The following ACTR3C variants were observed in gnomAD, a reference collection of about 807,000 sequenced individuals.
ACTR3C encodes the protein actin related protein 3C.
Under a neutral mutation model 26.3 loss-of-function variants are expected in ACTR3C, and 18 were observed. The ratio of observed to expected loss-of-function variants is 0.68; its 90% CI spans 0.47 to 1.01. The LOEUF is 1.01. ACTR3C is among the 50% of genes least tolerant of loss of function. The pLI is 0.00. For missense variants in ACTR3C, 184 were observed against 250.7 expected, an observed-to-expected ratio of 0.73 and a Z score of 1.80; for synonymous variants, 55 against 94.5, an observed-to-expected ratio of 0.58 and a Z score of 2.42.
intron 1 of ACTR3C, among the ~76,000 whole-genome samples, chr7:150,298,429 C>T (rs1192661663): frequency 2.0e-5 from 3 of 150,190 alleles, no homozygotes; most frequent in African/African-American, 4.9e-5. Flanking sequence ...CATACCAGTC[C>T]GATTAAGAGA....
chr7:149,976,560 C>T, the ACTR3C span, among the ~76,000 whole-genome samples: 47 of 124,722 alleles, frequency 3.8e-4, no homozygotes, highest in Non-Finnish European at 5.6e-4. Flanking sequence ...GGCGACAGAG[C>T]GAGACTCTGT....
chr7:150,035,147 A>C, the ACTR3C span, among the ~76,000 whole-genome samples: 5 of 126,634 alleles, frequency 3.9e-5, 1 homozygote, highest in African/African-American at 1.2e-4. Flanking sequence ...AGGATCAACG[A>C]TGGGGGTCCT....
intron 2 of ACTR3C, 104 bp downstream of exon 2, chr7:150,295,148 G>C (rs1469914355): frequency 1.5e-6 from 2 of 1,354,686 alleles, no homozygotes; most frequent in Non-Finnish European, 2.0e-6. Context: ...GAAAAAGGAA[G>C]GGCACACAGC....
At chr7:149,968,168 T>C in the ACTR3C span, among the ~76,000 whole-genome samples, 1 of 152,388 alleles carries the variant, frequency 6.6e-6, no homozygotes, top group Middle Eastern at 3.4e-3. Flanking sequence ...TAAGATTGCC[T>C]TTGGAGCAGT....
chr7:150,132,930 T>A, the ACTR3C span, among the ~76,000 whole-genome samples: 1 of 152,146 alleles, frequency 6.6e-6, no homozygotes, highest in Non-Finnish European at 1.5e-5. Context: ...AAAAAAAGAA[T>A]GAAACCATAC....
At chr7:149,938,655 G>A in the ACTR3C span, among the ~76,000 whole-genome samples, 1 of 152,006 alleles carries the variant, frequency 6.6e-6, no homozygotes, top group Non-Finnish European at 1.5e-5. Flanking sequence ...TGGGGGTTGG[G>A]TAGTTATTGA....
the ACTR3C span, among the ~76,000 whole-genome samples, chr7:150,107,017 AC>A: frequency 4.8e-5 from 7 of 144,840 alleles, 1 homozygote; most frequent in East Asian, 1.4e-3. Flanking sequence ...CAGAACTCAC[AC>A]CCATTATGAT....
chr7:149,988,094 G>A, the ACTR3C span, among the ~76,000 whole-genome samples: 7 of 152,188 alleles, frequency 4.6e-5, no homozygotes, highest in South Asian at 2.1e-4. Flanking sequence ...AACTTAGAAC[G>A]TGTCTGCCCC....
Position 150,286,521 on chromosome 7 carries a change from C to A in ACTR3C, c.317G>T (p.Cys106Phe). The A allele has an allele frequency of 6.2e-7, 1 of 1,611,210 alleles. No individual in the cohort carries two copies. Among genetic ancestry groups the A allele is most frequent in the Non-Finnish European group, 8.5e-7 (1 of 1,179,728 alleles). Residue 106 changes from cysteine (C) to phenylalanine (F), a missense_variant, in exon 5 of 8, where the codon TGC becomes TTC. Transcript: ENST00000683684. ...KAIKEKYCYI[C>F]PDIVKEFAKY... is the part of the protein sequence containing the mutation. ...GGCAAATTCCTTGACTATATCGGGGCAAATGTAACAGTATTTCTCCTGCAT... is the reference window on the plus strand; with the variant it reads ...GGCAAATTCCTTGACTATATCGGGGAAAATGTAACAGTATTTCTCCTGCAT...
chr7:149,950,604 C>T, the ACTR3C span, among the ~76,000 whole-genome samples: 5 of 150,146 alleles, frequency 3.3e-5, no homozygotes, highest in Admixed American at 1.3e-4. Context: ...GGCAATCCCA[C>T]AGAGACACAA....
chr7:150,235,859 A>G, the ACTR3C span, among the ~76,000 whole-genome samples: 3 of 152,142 alleles, frequency 2.0e-5, no homozygotes, highest in Non-Finnish European at 2.9e-5. Flanking sequence ...GTTTTTAAAT[A>G]AAATTTCGGT....
chr7:150,284,673 G>A, intron 6 of ACTR3C, 80 bp downstream of exon 6: 2 of 1,189,228 alleles, frequency 1.7e-6, no homozygotes, highest in South Asian at 4.0e-5. Context: ...ACTAGTAATA[G>A]ACAGTAATAC....
the ACTR3C span, among the ~76,000 whole-genome samples, chr7:150,058,485 A>C: frequency 8.6e-5 from 13 of 151,950 alleles, no homozygotes; most frequent in Admixed American, 7.2e-4. Flanking sequence ...GGCAAAGATT[A>C]TTTTTCTCTC....
the ACTR3C span, among the ~76,000 whole-genome samples, chr7:150,147,369 T>G: frequency 6.6e-6 from 1 of 152,116 alleles, no homozygotes. Flanking sequence ...CCAAAAATTA[T>G]AAGCAAAAAC....
At chr7:150,287,977 T>A (rs2531062) in intron 4 of ACTR3C, among the ~76,000 whole-genome samples, 4,307 of 137,042 alleles carry the variant, frequency 0.031, 160 homozygotes, top group Admixed American at 0.046. Flanking sequence ...TGCTGCAAGG[T>A]TGGTGTGCTC....
At chr7:149,978,556 A>G in the ACTR3C span, among the ~76,000 whole-genome samples, 3 of 152,252 alleles carry the variant, frequency 2.0e-5, no homozygotes, top group Non-Finnish European at 4.4e-5. Context: ...GCCATCTCAG[A>G]TATGAAGCTG....
intron 1 of ACTR3C, among the ~76,000 whole-genome samples, chr7:150,319,661 T>C (rs1797296532): frequency 6.6e-6 from 1 of 152,228 alleles, no homozygotes; most frequent in Non-Finnish European, 1.5e-5. Context: ...TTTGTATTTA[T>C]TTATTTATTG....
the ACTR3C span, among the ~76,000 whole-genome samples, chr7:149,884,650 T>G: frequency 2.0e-5 from 3 of 151,302 alleles, no homozygotes; most frequent in Non-Finnish European, 4.4e-5. Flanking sequence ...AATTCTGGGA[T>G]GGAAGCCATG....
At chr7:150,172,419 T>C in the ACTR3C span, among the ~76,000 whole-genome samples, 1 of 150,628 alleles carries the variant, frequency 6.6e-6, no homozygotes, top group African/African-American at 2.5e-5. Context: ...ACAAGACTTA[T>C]TCACTATTAC....
Sources: gnomAD v4.1 joint callset for allele counts (sites outside exome capture counted in the v4.1 genomes callset) on GRCh38, gnomAD v4.1.1 for gene constraint, MANE v1.5 for transcripts, NCBI Gene and HGNC (gene_info 2026-07-23, HGNC 2026-07-21) for gene names.